The following VPS41 variants were observed in gnomAD, a reference collection of about 807,000 sequenced individuals.
The protein encoded by VPS41 is vacuolar protein sorting-associated protein 41 homolog.
In VPS41, 85 loss-of-function variants were observed where a neutral mutation model predicts 130.9. The ratio of observed to expected loss-of-function variants is 0.65; its 90% CI spans 0.55 to 0.78. The LOEUF is 0.78. Among genes scored for constraint, VPS41 ranks in the 30% least tolerant of loss-of-function variants. The pLI, the probability that VPS41 is intolerant of heterozygous loss-of-function variation, is 0.00. For missense variants in VPS41, 874 were observed against 1,018.7 expected, an observed-to-expected ratio of 0.86 and a Z score of 1.93; for synonymous variants, 335 against 332.9, an observed-to-expected ratio of 1.01 and a Z score of -0.07.
intron 22 of VPS41, among the ~76,000 whole-genome samples, chr7:38,746,458 G>A (rs1795986665): frequency 6.6e-6 from 1 of 152,044 alleles, no homozygotes; most frequent in South Asian, 2.1e-4. Context: ...GGCTTAGTAG[G>A]AGCATTAGCA....
chr7:38,756,270 C>T (rs1465071644), intron 19 of VPS41, among the ~76,000 whole-genome samples: 1 of 149,562 alleles, frequency 6.7e-6, no homozygotes, highest in African/African-American at 2.5e-5. Flanking sequence ...ACTTTGCAAG[C>T]ACCAATGTGA....
chr7:38,848,615 A>C lies in VPS41; in HGVS notation c.246+13930T>G, dbSNP rs575677603. ...TTACATATTTTACATGTATTCGTTC[A>C]TATAATTCTCAAAACCATCATTGAA... On this transcript the variant is annotated intron_variant, in intron 4 of 28. Transcript: ENST00000310301. Among the ~76,000 whole-genome samples, 4 of 152,342 alleles carry C rather than the reference A, an allele frequency of 2.6e-5. No homozygotes were observed. In the South Asian group the frequency reaches 8.3e-4, roughly 32 times the overall value.
intron 3 of VPS41, among the ~76,000 whole-genome samples, chr7:38,868,462 G>A (rs1786273971): frequency 6.6e-6 from 1 of 152,190 alleles, no homozygotes. Flanking sequence ...TCAGACAAGA[G>A]CAGTTTGCTT....
At chr7:38,775,744 C>T (rs901873660) in intron 11 of VPS41, 1 of 151,874 alleles carries the variant, frequency 6.6e-6, no homozygotes, top group African/African-American at 2.4e-5. Context: ...CAAGTGCTTG[C>T]TCAGAGAAAC....
At chr7:38,898,162 G>C in intron 1 of VPS41, 33 bp from the exon 2 acceptor site, 1 of 1,586,894 alleles carries the variant, frequency 6.3e-7, no homozygotes, top group Admixed American at 1.7e-5. Flanking sequence ...ATGGTCAGAA[G>C]AGATGATAAA....
chr7:38,866,772 G>A (rs531575031), intron 3 of VPS41, among the ~76,000 whole-genome samples: 3 of 152,132 alleles, frequency 2.0e-5, no homozygotes, highest in Non-Finnish European at 2.9e-5. Context: ...AAGCCAACAC[G>A]TAAAGGAAAA....
At chr7:38,753,777 T>A (rs1016405208) in intron 21 of VPS41, among the ~76,000 whole-genome samples, 1 of 152,106 alleles carries the variant, frequency 6.6e-6, no homozygotes, top group Non-Finnish European at 1.5e-5. Flanking sequence ...TCTTGAGATT[T>A]CCAATCATGA....
chr7:38,834,931 A>G (rs993134184), intron 4 of VPS41, among the ~76,000 whole-genome samples: 1 of 152,036 alleles, frequency 6.6e-6, no homozygotes, highest in Non-Finnish European at 1.5e-5. Flanking sequence ...TCACTGTTTT[A>G]ATAATACTGA....
At chr7:38,870,738 T>TCAAAAAAAAAAAAAAAAAAAAA (rs1786335259) in intron 2 of VPS41, among the ~76,000 whole-genome samples, 1 of 68,488 alleles carries the variant, frequency 1.5e-5, no homozygotes, top group African/African-American at 1.1e-4. Flanking sequence ...GACTATATGT[T>TCAAAAAAAAAAAAAAAAAAAAA]CAAAAAAAAA....
At chr7:38,832,010 T>C (rs997883864) in intron 4 of VPS41, among the ~76,000 whole-genome samples, 3 of 152,160 alleles carry the variant, frequency 2.0e-5, no homozygotes, top group African/African-American at 7.2e-5. Context: ...TTTTTCACTT[T>C]TTTTTCTGCC....
intron 16 of VPS41, among the ~76,000 whole-genome samples, chr7:38,764,196 G>A (rs746561061): frequency 6.6e-6 from 1 of 152,192 alleles, no homozygotes; most frequent in Non-Finnish European, 1.5e-5. Flanking sequence ...TAACAGAGGG[G>A]TCAGCACAGT....
chr7:38,789,015 T>C (rs984876117), intron 10 of VPS41, among the ~76,000 whole-genome samples: 2 of 152,196 alleles, frequency 1.3e-5, no homozygotes, highest in African/African-American at 4.8e-5. Flanking sequence ...AGCTGACTCA[T>C]AATATGGCAA....
At chr7:38,816,085 G>T (rs1011635172) in intron 7 of VPS41, among the ~76,000 whole-genome samples, 2 of 152,114 alleles carry the variant, frequency 1.3e-5, no homozygotes, top group Non-Finnish European at 2.9e-5. Flanking sequence ...CTTTCCTGAG[G>T]CTGACAAAGA....
chr7:38,815,055 TAATA>T (rs1307691372), intron 7 of VPS41, among the ~76,000 whole-genome samples: 1 of 152,158 alleles, frequency 6.6e-6, no homozygotes, highest in Non-Finnish European at 1.5e-5. Context: ...AAGTATGAGA[TAATA>T]AATGTTTGTT....
intron 3 of VPS41, among the ~76,000 whole-genome samples, chr7:38,865,803 AAGGTCAGCTAATAAG>A (rs1786217381): frequency 6.6e-6 from 1 of 152,166 alleles, no homozygotes; most frequent in Non-Finnish European, 1.5e-5. Context: ...TAAGGTTGGA[AAGGTCAGCTAATAAG>A]AGGCATTCAA....
At position 38,796,877 on chromosome 7, in the gene VPS41, A is replaced by G. The variant is rs928840193; in HGVS notation, c.451-13T>C. 9 of 1,613,568 alleles carry G rather than the reference A, an allele frequency of 5.6e-6. No homozygotes were observed. Among genetic ancestry groups the G allele is most frequent in the Non-Finnish European group, 5.9e-6 (7 of 1,179,702 alleles). On this transcript the variant is annotated splice_polypyrimidine_tract_variant and intron_variant, in intron 7 of 28. Coordinates refer to ENST00000310301, the MANE Select transcript of VPS41 (RefSeq NM_014396.4). ...CAAACAGTAGCAGCTAGGGACAAAA[A>G]GCATAAACAAAGAATCTTAGAAACT...
intron 7 of VPS41, among the ~76,000 whole-genome samples, chr7:38,810,784 TTC>T (rs1223233957): frequency 5.3e-5 from 8 of 152,324 alleles, no homozygotes; most frequent in Non-Finnish European, 1.0e-4. Flanking sequence ...TATGTCTTTA[TTC>T]TCTTTTCCCC....
At chr7:38,843,628 G>A (rs1333832015) in intron 4 of VPS41, among the ~76,000 whole-genome samples, 1 of 151,694 alleles carries the variant, frequency 6.6e-6, no homozygotes, top group Non-Finnish European at 1.5e-5. Context: ...CTTTTAGTGA[G>A]CCGAGATAGC....
At position 38,754,692 on chromosome 7, in the gene VPS41, C is replaced by T; in HGVS notation, c.1788+10G>A. The stretch of plus-strand genomic sequence containing the variant: ...TCAAAAGGGCAAAAGGAGGAGACTG[C>T]CATGCTCACCACATGCTGTAGCTCT... On this transcript the variant is annotated intron_variant, in intron 21 of 28. Coordinates refer to ENST00000310301, the MANE Select transcript of VPS41 (RefSeq NM_014396.4). The T allele has an allele frequency of 6.2e-7, 1 of 1,612,036 alleles. No homozygotes were observed. The highest frequency in any genetic ancestry group is 8.5e-7 in the Non-Finnish European group (1 of 1,178,414).
Sources: allele counts gnomAD v4.1 joint callset (sites outside exome capture counted in the v4.1 genomes callset), GRCh38; gene constraint gnomAD v4.1.1; transcripts MANE v1.5; gene names NCBI Gene and HGNC (gene_info 2026-07-23, HGNC 2026-07-21).